The following RIMS2 variants were observed in gnomAD, a reference collection of about 807,000 sequenced individuals.
RIMS2 encodes the protein regulating synaptic membrane exocytosis 2.
In RIMS2, 59 loss-of-function variants were observed where a neutral mutation model predicts 174.4. The ratio of observed to expected loss-of-function variants is 0.34; its 90% CI spans 0.27 to 0.42. The LOEUF (loss-of-function observed/expected upper bound fraction) is 0.42, where lower values mean the gene tolerates loss of function less well. RIMS2 is among the 10% of genes least tolerant of loss of function. The probability of loss-of-function intolerance (pLI) is 1.00; values close to 1 mark genes in which losing one functional copy is unlikely to be tolerated. For missense variants in RIMS2, 1,620 were observed against 1,666.3 expected (o/e 0.97, Z 0.48); for synonymous variants, 606 against 572.5 (o/e 1.06, Z -0.84).
At chr8:103,844,618 G>A (rs954260575) in intron 3 of RIMS2, among the ~76,000 whole-genome samples, 1 of 152,130 alleles carries the variant, frequency 6.6e-6, no homozygotes, top group Non-Finnish European at 1.5e-5. Flanking sequence ...TAGAAATAAA[G>A]CCACTTTGTT....
intron 1 of RIMS2, among the ~76,000 whole-genome samples, chr8:103,618,775 C>T (rs1442172219): frequency 1.3e-5 from 2 of 152,088 alleles, no homozygotes; most frequent in Non-Finnish European, 2.9e-5. Context: ...AGCTGGGGGA[C>T]TACTTTAAGA....
At chr8:103,743,461 T>A (rs1000188743) in intron 2 of RIMS2, among the ~76,000 whole-genome samples, 2 of 152,142 alleles carry the variant, frequency 1.3e-5, no homozygotes, top group Non-Finnish European at 2.9e-5. Context: ...ATTATTAGGA[T>A]AAAAAAACCG....
chr8:103,926,529 C>T (rs763457064), intron 10 of RIMS2, among the ~76,000 whole-genome samples: 17 of 151,526 alleles, frequency 1.1e-4, no homozygotes, highest in Non-Finnish European at 2.4e-4. Context: ...GCTTTTAAGT[C>T]TGCTTTCCTT....
At chr8:103,736,937 G>A (rs2097692226) in intron 2 of RIMS2, among the ~76,000 whole-genome samples, 1 of 152,068 alleles carries the variant, frequency 6.6e-6, no homozygotes, top group South Asian at 2.1e-4. Context: ...TATTTTATCT[G>A]TAGTATCAAA....
intron 14 of RIMS2, among the ~76,000 whole-genome samples, chr8:103,955,385 C>A (rs575499209): frequency 6.6e-6 from 1 of 152,244 alleles, no homozygotes; most frequent in African/African-American, 2.4e-5. Context: ...AGCAGCACAT[C>A]AAGAAGGTTG....
intron 1 of RIMS2, among the ~76,000 whole-genome samples, chr8:103,631,746 C>T (rs537311053): frequency 1.3e-5 from 2 of 152,154 alleles, no homozygotes; most frequent in Admixed American, 6.5e-5. Context: ...GATACTGATT[C>T]TTCCTATCCA....
chr8:104,131,145 C>A (rs1241632146), intron 19 of RIMS2, among the ~76,000 whole-genome samples: 1 of 152,132 alleles, frequency 6.6e-6, no homozygotes, highest in Non-Finnish European at 1.5e-5. Context: ...ATAATAGTGC[C>A]TACTTCACAG....
chr8:103,920,609 T>C (rs2077426031), intron 9 of RIMS2: 1 of 456,144 alleles, frequency 2.2e-6, no homozygotes, highest in Admixed American at 2.4e-5. Context: ...TCCACATACC[T>C]GCTTTACATC....
At chr8:103,680,337 T>C (rs1484210314) in intron 1 of RIMS2, among the ~76,000 whole-genome samples, 3 of 152,022 alleles carry the variant, frequency 2.0e-5, no homozygotes, top group South Asian at 2.1e-4. Context: ...ATGGAGAAGA[T>C]TGACATTAAA....
chr8:103,715,318 C>T (rs2097354762), intron 2 of RIMS2, among the ~76,000 whole-genome samples: 1 of 152,088 alleles, frequency 6.6e-6, no homozygotes, highest in Admixed American at 6.6e-5. Context: ...TTTACGTCCC[C>T]AACCCCTACT....
intron 15 of RIMS2, 72 bp downstream of exon 17, chr8:103,961,205 A>G (rs1595886846): frequency 1.3e-6 from 1 of 799,418 alleles, no homozygotes; most frequent in East Asian, 2.5e-5. Flanking sequence ...ATAAAAGTAA[A>G]TAAATAAAAG....
chr8:103,689,959 C>CTT (rs35912055), intron 1 of RIMS2, among the ~76,000 whole-genome samples: 27,911 of 137,428 alleles, frequency 0.2, 3,365 homozygotes, highest in African/African-American at 0.32. Flanking sequence ...CTCCATGTGT[C>CTT]TTTTTTTTTT....
At chr8:104,137,898 T>G (rs1477194877) in intron 19 of RIMS2, among the ~76,000 whole-genome samples, 1 of 152,162 alleles carries the variant, frequency 6.6e-6, no homozygotes, top group Non-Finnish European at 1.5e-5. Flanking sequence ...CTAATCATAT[T>G]TTTGTGCCCA....
At chr8:103,849,991 G>A (rs1046020279) in intron 3 of RIMS2, among the ~76,000 whole-genome samples, 3 of 152,008 alleles carry the variant, frequency 2.0e-5, no homozygotes, top group South Asian at 4.1e-4. Context: ...CTGTTTACAC[G>A]TAACTTTGTT....
At chr8:103,585,014 A>G (rs1447154353) in intron 1 of RIMS2, among the ~76,000 whole-genome samples, 1 of 152,228 alleles carries the variant, frequency 6.6e-6, no homozygotes, top group Non-Finnish European at 1.5e-5. Context: ...AGACACACAG[A>G]CTGAAAATAA....
intron 1 of RIMS2, among the ~76,000 whole-genome samples, chr8:103,541,299 C>A (rs1842466009): frequency 6.6e-6 from 1 of 152,158 alleles, no homozygotes; most frequent in South Asian, 2.1e-4. Context: ...TGCTTCTCAG[C>A]AGAAACCTTA....
intron 1 of RIMS2, among the ~76,000 whole-genome samples, chr8:103,633,190 C>A (rs1227394805): frequency 3.8e-5 from 3 of 78,218 alleles, no homozygotes; most frequent in African/African-American, 1.4e-4. Context: ...CCACGCCCGG[C>A]TATTTTTTTT....
intron 1 of RIMS2, among the ~76,000 whole-genome samples, chr8:103,623,549 A>G (rs2095692694): frequency 7.7e-6 from 1 of 129,996 alleles, no homozygotes; most frequent in South Asian, 2.4e-4. Flanking sequence ...CAGTGGCGCG[A>G]TCTCGGCTCA....
intron 1 of RIMS2, among the ~76,000 whole-genome samples, chr8:103,693,318 T>G (rs890025928): frequency 1.3e-5 from 2 of 152,184 alleles, no homozygotes; most frequent in African/African-American, 4.8e-5. Context: ...CAGTGCCTCT[T>G]TTTTATATAA....
Sources: allele counts gnomAD v4.1 joint callset (sites outside exome capture counted in the v4.1 genomes callset), GRCh38; gene constraint gnomAD v4.1.1; transcripts MANE v1.5; gene names NCBI Gene and HGNC (gene_info 2026-07-23, HGNC 2026-07-21).